The following PLXDC2 variants were observed in gnomAD, a reference collection of about 807,000 sequenced individuals.
PLXDC2 encodes plexin domain containing 2.
In PLXDC2, 40 loss-of-function variants were observed where a neutral mutation model predicts 68.9. That is an observed-to-expected ratio of 0.58 (90% CI 0.45 to 0.76). The LOEUF (loss-of-function observed/expected upper bound fraction) is 0.76, where lower values mean the gene tolerates loss of function less well. PLXDC2 is among the 30% of genes least tolerant of loss of function. The probability of loss-of-function intolerance (pLI) is 0.00; values close to 1 mark genes in which losing one functional copy is unlikely to be tolerated. For missense variants in PLXDC2, 644 were observed against 661.9 expected (o/e 0.97, Z 0.30); for synonymous variants, 243 against 234.2 (o/e 1.04, Z -0.34).
At position 19,928,274 on chromosome 10, in the gene PLXDC2, T is replaced by C. The variant is rs1833571924; in HGVS notation, c.113-73501T>C. Among the ~76,000 whole-genome samples the C allele has an allele frequency of 2.0e-5, 3 of 152,236 alleles. No individual in the cohort carries two copies. In the South Asian group the frequency reaches 6.2e-4, roughly 32 times the overall value. ...AAACATACATGTGCCAGTGTCTTTA[T>C]GATATAGTGACTTCTTTTCCAATGC... is the stretch of plus-strand genomic sequence containing the variant. On this transcript the variant is annotated intron_variant, in intron 1 of 13. Coordinates refer to ENST00000377252, the MANE Select transcript of PLXDC2 (RefSeq NM_032812.9).
chr10:20,153,085 CT>C (rs1834172318), intron 6 of PLXDC2, among the ~76,000 whole-genome samples: 1 of 152,110 alleles, frequency 6.6e-6, no homozygotes, highest in Non-Finnish European at 1.5e-5. Context: ...CTTAGTGCCC[CT>C]GAATGCATGT....
intron 4 of PLXDC2, among the ~76,000 whole-genome samples, chr10:20,079,028 T>C (rs1396009862): frequency 6.6e-6 from 1 of 151,972 alleles, no homozygotes; most frequent in African/African-American, 2.4e-5. Context: ...AAACCATAAA[T>C]AAAAATATTG....
rs948112943 is a variant in PLXDC2 at position 20,020,832 on chromosome 10, A to G, written c.324+18846A>G. On this transcript the variant is annotated intron_variant, in intron 2 of 13. Coordinates refer to ENST00000377252, the MANE Select transcript of PLXDC2 (RefSeq NM_032812.9). The stretch of plus-strand genomic sequence containing the variant: ...TTTTCCTTATACCCAAGATAATCCT[A>G]TTTAGAATGAGGTATTGCATAAGAT... Among the ~76,000 whole-genome samples, 10 of 152,272 alleles carry G rather than the reference A, an allele frequency of 6.6e-5. No individual in the cohort carries two copies. In the East Asian group the frequency reaches 1.9e-3, roughly 29 times the overall value.
chr10:20,061,057 T>C (rs1564300548), intron 3 of PLXDC2, among the ~76,000 whole-genome samples: 1 of 152,204 alleles, frequency 6.6e-6, no homozygotes, highest in Non-Finnish European at 1.5e-5. Flanking sequence ...TTAAAGAGTT[T>C]CCATGTAGAT....
intron 1 of PLXDC2, among the ~76,000 whole-genome samples, chr10:19,941,158 C>G (rs540632505): frequency 2.0e-4 from 31 of 152,260 alleles, no homozygotes; most frequent in African/African-American, 7.5e-4. Flanking sequence ...ATGGAAACTT[C>G]CAAAGACACT....
At chr10:19,996,907 C>T (rs1834854881) in intron 1 of PLXDC2, among the ~76,000 whole-genome samples, 1 of 152,078 alleles carries the variant, frequency 6.6e-6, no homozygotes, top group African/African-American at 2.4e-5. Flanking sequence ...ATCACTAGAA[C>T]AGCATGGGAA....
chr10:20,114,585 T>C (rs939873476), intron 4 of PLXDC2, among the ~76,000 whole-genome samples: 2 of 152,182 alleles, frequency 1.3e-5, no homozygotes, highest in African/African-American at 4.8e-5. Flanking sequence ...AGCACAGGTG[T>C]GGACCACAAA....
chr10:20,250,537 G>A (rs1006272672), intron 13 of PLXDC2, among the ~76,000 whole-genome samples: 5 of 152,188 alleles, frequency 3.3e-5, no homozygotes, highest in African/African-American at 1.2e-4. Context: ...GGAGGCTGAA[G>A]CACGGGCCTT....
In PLXDC2 at chr10:20,279,881, A is replaced by C; in HGVS notation, c.*62A>C. On this transcript the variant is annotated 3_prime_UTR_variant, in exon 14 of 14. Transcript: ENST00000377252. ...AGGTGTTAAGACTAAAATTTTGCCT[A>C]TACCTTTAAGACAAACAAACAAACA... 1 of 1,366,774 alleles carries C rather than the reference A, an allele frequency of 7.3e-7. No individual in the cohort carries two copies. The highest frequency in any genetic ancestry group is 1.7e-5 in the Admixed American group (1 of 57,890). The allele number at this position is 1,366,774 out of a possible 1,614,324, so 84.7% of individuals were successfully genotyped here.
intron 1 of PLXDC2, among the ~76,000 whole-genome samples, chr10:19,886,149 T>C (rs1018973555): frequency 1.3e-5 from 2 of 152,214 alleles, no homozygotes; most frequent in Non-Finnish European, 2.9e-5. Flanking sequence ...GATTTGGCTC[T>C]CTGTGTGTCT....
rs1363836797 is a variant in PLXDC2 at position 19,820,620 on chromosome 10, G to C, written c.112+3429G>C. Among the ~76,000 whole-genome samples, 5 of 139,682 alleles carry C rather than the reference G, an allele frequency of 3.6e-5. No individual in the cohort carries two copies. In the South Asian group the frequency reaches 8.8e-4, roughly 24 times the overall value. The allele number at this position is 139,682 out of a possible 152,430, so 91.6% of individuals were successfully genotyped here. A position where few individuals can be genotyped will look rare whatever the true frequency, so the allele number is the denominator to read the frequency against. Reference sequence around the variant, plus strand: ...CTGCAGTCCGCAGTCCGGCCTGGGCGACAGAGCGAGACTCCGTCTCAAAAA... The same window carrying C: ...CTGCAGTCCGCAGTCCGGCCTGGGCCACAGAGCGAGACTCCGTCTCAAAAA... On this transcript the variant is annotated intron_variant, in intron 1 of 13. Coordinates refer to ENST00000377252, the MANE Select transcript of PLXDC2 (RefSeq NM_032812.9).
intron 12 of PLXDC2, among the ~76,000 whole-genome samples, chr10:20,232,437 A>C (rs904494912): frequency 6.6e-6 from 1 of 152,182 alleles, no homozygotes; most frequent in African/African-American, 2.4e-5. Flanking sequence ...GAGAATATTC[A>C]TAGCAACATA....
chr10:20,194,190 C>CTCTGTGTGTGTGTG (rs1554773901), intron 9 of PLXDC2, among the ~76,000 whole-genome samples: 2 of 143,650 alleles, frequency 1.4e-5, no homozygotes, highest in Non-Finnish European at 3.0e-5. Context: ...TTGAACTCAG[C>CTCTGTGTGTGTGTG]TGTGTGTGTG....
At chr10:19,958,339 T>A (rs1834103711) in intron 1 of PLXDC2, among the ~76,000 whole-genome samples, 1 of 152,136 alleles carries the variant, frequency 6.6e-6, no homozygotes, top group Non-Finnish European at 1.5e-5. Context: ...AACGTTTAGA[T>A]TCCTTTCTGA....
intron 1 of PLXDC2, among the ~76,000 whole-genome samples, chr10:19,890,293 A>T (rs189441766): frequency 1.2e-4 from 19 of 152,188 alleles, no homozygotes; most frequent in Admixed American, 7.2e-4. Flanking sequence ...CAGGTTTGTT[A>T]TGTGGATGTA....
intron 11 of PLXDC2, 73 bp from the exon 12 acceptor site, chr10:20,218,991 T>C: frequency 6.6e-7 from 1 of 1,519,246 alleles, no homozygotes; most frequent in Non-Finnish European, 9.0e-7. Context: ...AGTAGACAAT[T>C]ACTAGTCATA....
intron 2 of PLXDC2, among the ~76,000 whole-genome samples, chr10:20,014,719 A>G (rs1835179930): frequency 1.3e-5 from 2 of 152,190 alleles, no homozygotes; most frequent in African/African-American, 2.4e-5. Context: ...GTTGCTGAAC[A>G]ATAATTATAA....
intron 1 of PLXDC2, among the ~76,000 whole-genome samples, chr10:19,973,187 TGAA>T (rs138331448): frequency 0.052 from 7,814 of 151,060 alleles, 260 homozygotes; most frequent in Middle Eastern, 0.087. Context: ...TTTCAATTGA[TGAA>T]GGTGTTTTGA....
rs202147755 is a variant in PLXDC2 at position 20,164,557 on chromosome 10, A to G, written c.873A>G (p.Gln291=). ...CATTTGTCGTTGTCCACAGGATCCA[A>G]CAAATTCCCAGTACGTAGAAGAAGG... is the stretch of plus-strand genomic sequence containing the variant. ...SDAFVVVHRI[Q]QIPNVRRRTI... is the part of the protein sequence containing the mutation. The change falls in exon 7 of 14, where the codon CAA becomes CAG. Residue 291 remains glutamine (Q), a synonymous_variant. Coordinates refer to ENST00000377252, the MANE Select transcript of PLXDC2 (RefSeq NM_032812.9). The G allele has an allele frequency of 4.0e-5, 65 of 1,611,026 alleles. No homozygotes were observed. The Middle Eastern group carries it at 1.3e-3, about 33-fold the overall frequency.
Sources: allele counts gnomAD v4.1 joint callset (sites outside exome capture counted in the v4.1 genomes callset), GRCh38; gene constraint gnomAD v4.1.1; transcripts MANE v1.5; gene names NCBI Gene and HGNC (gene_info 2026-07-23, HGNC 2026-07-21).